Variants in DNAAF1 observed in about 807,000 individuals in gnomAD.
The protein encoded by DNAAF1 is dynein axonemal assembly factor 1.
DNAAF1 carries 65 observed loss-of-function variants against 71.1 expected under a neutral mutation model. The ratio of observed to expected loss-of-function variants is 0.91; its 90% confidence interval spans 0.75 to 1.12. The LOEUF is 1.12. DNAAF1 is among the 50% of genes most tolerant of loss of function. The pLI is 0.00. For missense variants in DNAAF1, 1,178 were observed against 899.8 expected (o/e 1.31, Z -3.96); for synonymous variants, 414 against 354.6 (o/e 1.17, Z -1.88).
At chr16:84,151,692 G>A (rs2087190334) in intron 3 of DNAAF1, among the ~76,000 whole-genome samples, 2 of 152,186 alleles carry the variant, frequency 1.3e-5, no homozygotes, top group Admixed American at 1.3e-4. Context: ...GTCATCAGCT[G>A]GGCGGTTCTG....
intron 11 of DNAAF1, chr16:84,177,463 G>A (rs987426238): frequency 3.0e-5 from 12 of 400,294 alleles, no homozygotes; most frequent in Non-Finnish European, 4.8e-6. Flanking sequence ...CCAGTAGCTG[G>A]TATTATAGGG....
chr16:84,162,940 T>A (rs573083269), intron 6 of DNAAF1, among the ~76,000 whole-genome samples: 92 of 152,332 alleles, frequency 6.0e-4, no homozygotes, highest in African/African-American at 2.1e-3. Context: ...GTTCTGGACA[T>A]TTCATATAAA....
intron 3 of DNAAF1, among the ~76,000 whole-genome samples, chr16:84,152,742 T>TA (rs1358223267): frequency 1.3e-5 from 2 of 150,040 alleles, no homozygotes; most frequent in Non-Finnish European, 3.0e-5. Context: ...TCACCTGAGG[T>TA]AAGGAGTTCG....
chr16:84,166,945 T>C (rs897106910), intron 7 of DNAAF1, among the ~76,000 whole-genome samples: 1 of 152,212 alleles, frequency 6.6e-6, no homozygotes, highest in African/African-American at 2.4e-5. Context: ...CACCCACCAA[T>C]TCTCTGACAC....
chr16:84,154,714 C>T lies in DNAAF1; in HGVS notation c.490C>T (p.Arg164Cys), dbSNP rs117020212. Residue 164 changes from arginine to cysteine, a missense_variant, in exon 4 of 12, where the codon CGT becomes TGT. Physicochemically the swap from Arg to Cys is radical, Grantham distance 180. Transcript: ENST00000378553. ...RCLFLQMNLLRKIENLEPLQK... is the reference protein window; with the variant it reads ...RCLFLQMNLLCKIENLEPLQK... ...CCTCTTCTTGCAAATGAACTTGCTCCGTAAAATTGAGAACCTGGAACCTCT... is the reference window on the plus strand; with the variant it reads ...CCTCTTCTTGCAAATGAACTTGCTCTGTAAAATTGAGAACCTGGAACCTCT... 2.0e-5 allele frequency: 32 copies of T among 1,614,056 alleles called. No individual in the cohort carries two copies. Among genetic ancestry groups the T allele is most frequent in the East Asian group, 8.9e-5 (4 of 44,868 alleles).
At chr16:84,160,761 C>G (rs571451392) in intron 6 of DNAAF1, among the ~76,000 whole-genome samples, 1 of 151,524 alleles carries the variant, frequency 6.6e-6, no homozygotes, top group African/African-American at 2.4e-5. Flanking sequence ...GGTGAAACCG[C>G]GTCGCTACTA....
intron 5 of DNAAF1, among the ~76,000 whole-genome samples, chr16:84,157,130 C>A (rs1188020786): frequency 6.6e-6 from 1 of 151,950 alleles, no homozygotes; most frequent in Non-Finnish European, 1.5e-5. Flanking sequence ...GACAGTGAAA[C>A]CTTTCTTTTT....
At chr16:84,153,473 C>G (rs1248203046) in intron 3 of DNAAF1, among the ~76,000 whole-genome samples, 1 of 152,052 alleles carries the variant, frequency 6.6e-6, no homozygotes, top group Non-Finnish European at 1.5e-5. Flanking sequence ...TATACAATGC[C>G]TGTGTTTAAG....
intron 4 of DNAAF1, among the ~76,000 whole-genome samples, chr16:84,155,135 C>T (rs1164794942): frequency 3.3e-5 from 5 of 152,208 alleles, no homozygotes; most frequent in African/African-American, 1.2e-4. Flanking sequence ...GTCTCGATCT[C>T]CTGACCTCGT....
chr16:84,151,061 C>G (rs1375452258), intron 3 of DNAAF1, among the ~76,000 whole-genome samples: 1 of 152,118 alleles, frequency 6.6e-6, no homozygotes. Flanking sequence ...GAGCAGGAGC[C>G]AGGGTTGGAG....
rs565855981 is a variant in DNAAF1, at chr16:84,150,859, C to G, written c.352+517C>G. Among the ~76,000 whole-genome samples the G allele has an allele frequency of 1.1e-3, 164 of 152,308 alleles. 2 individuals carry two copies. The highest frequency in any genetic ancestry group is 3.9e-3 in the African/African-American group (162 of 41,560). On this transcript the variant is annotated intron_variant, in intron 3 of 11. Coordinates refer to ENST00000378553, the MANE Select transcript of DNAAF1 (RefSeq NM_178452.6). ...AAACTCCTGAACCCAGTCGATCCAG[C>G]TGCCTCAGCCTCCCAAAGTACTGGG...
At chr16:84,163,517 A>T (rs564212426) in intron 6 of DNAAF1, among the ~76,000 whole-genome samples, 1 of 151,876 alleles carries the variant, frequency 6.6e-6, no homozygotes, top group African/African-American at 2.4e-5. Context: ...AGTAGCTGGG[A>T]TTACAGGCAT....
chr16:84,152,193 G>T (rs1457654067), intron 3 of DNAAF1, among the ~76,000 whole-genome samples: 1 of 152,222 alleles, frequency 6.6e-6, no homozygotes, highest in African/African-American at 2.4e-5. Flanking sequence ...CAACAAGTTG[G>T]AGATGGCTTG....
chr16:84,146,870 G>C (rs75641672), intron 1 of DNAAF1, among the ~76,000 whole-genome samples: 1,944 of 152,272 alleles, frequency 0.013, 37 homozygotes, highest in African/African-American at 0.041. Flanking sequence ...GTTTCTGAAC[G>C]CAGGCAACAA....
At chr16:84,147,205 T>G (rs1049814183) in intron 1 of DNAAF1, among the ~76,000 whole-genome samples, 1 of 152,240 alleles carries the variant, frequency 6.6e-6, no homozygotes, top group African/African-American at 2.4e-5. Context: ...TAATTACATA[T>G]TAATATTTAT....
chr16:84,153,364 C>G (rs185492013), intron 3 of DNAAF1, among the ~76,000 whole-genome samples: 4 of 152,108 alleles, frequency 2.6e-5, no homozygotes, highest in Non-Finnish European at 5.9e-5. Flanking sequence ...CACAAACCAG[C>G]ACATCCAGCA....
intron 7 of DNAAF1, among the ~76,000 whole-genome samples, chr16:84,168,017 CA>C (rs746866697): frequency 4.8e-4 from 65 of 134,526 alleles, no homozygotes; most frequent in Middle Eastern, 3.9e-3. Context: ...AACTCCATCT[CA>C]AAAAAAAAAA....
At chr16:84,147,518 A>AT (rs747978596) in intron 1 of DNAAF1, among the ~76,000 whole-genome samples, 2,711 of 149,514 alleles carry the variant, frequency 0.018, 50 homozygotes, top group Non-Finnish European at 0.025. Flanking sequence ...CCTTTTTATG[A>AT]TTTTTTTTTT....
chr16:84,172,145 G>C, intron 8 of DNAAF1, 115 bp from the exon 9 acceptor site: 1 of 958,322 alleles, frequency 1.0e-6, no homozygotes, highest in South Asian at 1.4e-5. Context: ...CCAAAGTGTT[G>C]GGATTACAGG....
Sources: gnomAD v4.1 joint callset for allele counts (sites outside exome capture counted in the v4.1 genomes callset) on GRCh38, gnomAD v4.1.1 for gene constraint, MANE v1.5 for transcripts, NCBI Gene and HGNC (gene_info 2026-07-23, HGNC 2026-07-21) for gene names.